PTPRM: variants seen among roughly 807,000 people sequenced by gnomAD.
PTPRM encodes receptor-type tyrosine-protein phosphatase mu.
Under a neutral mutation model 186.7 loss-of-function variants are expected in PTPRM, and 47 were observed. The ratio of observed to expected loss-of-function variants is 0.25; its 90% confidence interval spans 0.20 to 0.32. The LOEUF is 0.32. Among genes scored for constraint, PTPRM ranks in the 10% least tolerant of loss-of-function variants. PTPRM has a pLI of 1.00. For synonymous variants in PTPRM, 668 were observed against 674.9 expected, an observed-to-expected ratio of 0.99 and a Z score of 0.16; for missense variants, 1,494 against 1,865.0, an observed-to-expected ratio of 0.80 and a Z score of 3.66.
intron 19 of PTPRM, among the ~76,000 whole-genome samples, chr18:8,278,527 G>A (rs938866411): frequency 1.3e-5 from 2 of 152,138 alleles, no homozygotes; most frequent in African/African-American, 4.8e-5. Flanking sequence ...TGCTGCAGTC[G>A]TCAGTGAAAG....
intron 7 of PTPRM, among the ~76,000 whole-genome samples, chr18:7,984,595 A>ATATATATG (rs1215617054): frequency 8.3e-6 from 1 of 120,934 alleles, no homozygotes; most frequent in Non-Finnish European, 1.7e-5. Flanking sequence ...ATATATATAT[A>ATATATATG]TATATATACA....
chr18:8,271,176 C>A (rs2094767151), intron 19 of PTPRM, among the ~76,000 whole-genome samples: 1 of 151,990 alleles, frequency 6.6e-6, no homozygotes, highest in African/African-American at 2.4e-5. Flanking sequence ...TCCCTTTAAT[C>A]CCTGGTTTAT....
chr18:7,846,319 CTAAA>C (rs1157502084), intron 2 of PTPRM, among the ~76,000 whole-genome samples: 2 of 152,134 alleles, frequency 1.3e-5, no homozygotes, highest in Non-Finnish European at 2.9e-5. Context: ...GTTTTTGTTT[CTAAA>C]TAAAGGAAAA....
chr18:8,044,703 G>A (rs1211848789), intron 7 of PTPRM, among the ~76,000 whole-genome samples: 2 of 143,630 alleles, frequency 1.4e-5, no homozygotes, highest in Admixed American at 1.4e-4. Context: ...GTTGCAGTGA[G>A]CCAAGATTAT....
At chr18:7,937,490 C>T (rs1467897337) in intron 5 of PTPRM, among the ~76,000 whole-genome samples, 1 of 152,232 alleles carries the variant, frequency 6.6e-6, no homozygotes, top group Non-Finnish European at 1.5e-5. Context: ...ACACCCGTCA[C>T]CTCTCCCAAC....
intron 14 of PTPRM, among the ~76,000 whole-genome samples, chr18:8,160,569 A>G (rs2093211368): frequency 6.6e-6 from 1 of 152,232 alleles, no homozygotes; most frequent in Admixed American, 6.5e-5. Context: ...TTCTGGGATT[A>G]CAGGCACTGA....
intron 1 of PTPRM, among the ~76,000 whole-genome samples, chr18:7,644,286 G>A (rs990572245): frequency 2.2e-4 from 33 of 152,180 alleles, no homozygotes; most frequent in Admixed American, 7.2e-4. Context: ...AAAGATGCTC[G>A]TATTTATGTT....
intron 14 of PTPRM, among the ~76,000 whole-genome samples, chr18:8,240,788 GAGAGAGAGAGAGAGA>G (rs2094421970): frequency 1.2e-4 from 9 of 75,248 alleles, no homozygotes; most frequent in South Asian, 5.4e-4. Flanking sequence ...GAGAGAGAGA[GAGAGAGAGAGAGAGA>G]GAGAGAGAGA....
intron 14 of PTPRM, among the ~76,000 whole-genome samples, chr18:8,238,998 T>A (rs1601408368): frequency 6.6e-6 from 1 of 150,686 alleles, no homozygotes; most frequent in East Asian, 1.9e-4. Flanking sequence ...TTTAATTTAA[T>A]TTTATTATTA....
At chr18:8,351,868 A>T (rs770645495) in intron 23 of PTPRM, among the ~76,000 whole-genome samples, 1 of 152,196 alleles carries the variant, frequency 6.6e-6, no homozygotes, top group African/African-American at 2.4e-5. Flanking sequence ...GGCCTTCTAC[A>T]GACTCCTCAA....
intron 14 of PTPRM, among the ~76,000 whole-genome samples, chr18:8,235,132 G>A (rs1032311523): frequency 6.6e-6 from 1 of 152,084 alleles, no homozygotes; most frequent in African/African-American, 2.4e-5. Context: ...TATGTTCTGG[G>A]AGACATGGTA....
chr18:8,352,337 A>C (rs2148329699), intron 23 of PTPRM, among the ~76,000 whole-genome samples: 2 of 152,280 alleles, frequency 1.3e-5, no homozygotes, highest in African/African-American at 4.8e-5. Context: ...AGGTTTGTTA[A>C]ATGGGTATAT....
At chr18:7,897,594 G>A (rs563554009) in intron 3 of PTPRM, among the ~76,000 whole-genome samples, 4 of 152,272 alleles carry the variant, frequency 2.6e-5, no homozygotes, top group South Asian at 2.1e-4. Context: ...AACAATTTGC[G>A]TGATTGTTTT....
At chr18:7,771,370 G>A (rs2042262003) in intron 1 of PTPRM, among the ~76,000 whole-genome samples, 2 of 152,138 alleles carry the variant, frequency 1.3e-5, no homozygotes, top group South Asian at 2.1e-4. Flanking sequence ...CAAAATTAGG[G>A]TTTGCAACCG....
rs1205825824 is a variant in PTPRM, at chr18:8,028,795, G to C, written c.1133-40891G>C. 1.3e-5 allele frequency among the ~76,000 whole-genome samples: 2 copies of C among 152,312 alleles called. 1 individual carries two copies. ...TGAATAACAATAGCATTTACCAAGA[G>C]AGCACGACGAGGAAGATGAAGTGCA... On this transcript the variant is annotated intron_variant, in intron 7 of 32. Transcript: ENST00000580170.
intron 6 of PTPRM, among the ~76,000 whole-genome samples, chr18:7,951,355 C>G (rs148892205): frequency 5.9e-5 from 9 of 152,050 alleles, no homozygotes; most frequent in African/African-American, 2.2e-4. Context: ...CCTTTTCTTT[C>G]AGTTGCTATA....
At chr18:8,080,289 T>A (rs933117370) in intron 9 of PTPRM, among the ~76,000 whole-genome samples, 3 of 152,204 alleles carry the variant, frequency 2.0e-5, no homozygotes, top group Admixed American at 6.5e-5. Context: ...GTATTTTCAT[T>A]GTATCCTACT....
At chr18:8,370,529 T>G (rs73939457) in intron 23 of PTPRM, among the ~76,000 whole-genome samples, 3,782 of 152,304 alleles carry the variant, frequency 0.025, 64 homozygotes, top group African/African-American at 0.05. Context: ...AAACTAGAAA[T>G]AATTCAAAAG....
intron 15 of PTPRM, among the ~76,000 whole-genome samples, chr18:8,245,300 G>A (rs1373743387): frequency 6.6e-6 from 1 of 152,098 alleles, no homozygotes; most frequent in Non-Finnish European, 1.5e-5. Flanking sequence ...GGCTGCAGTT[G>A]TCCCACTTCA....
Sources: gnomAD v4.1 joint callset for allele counts (sites outside exome capture counted in the v4.1 genomes callset) on GRCh38, gnomAD v4.1.1 for gene constraint, MANE v1.5 for transcripts, NCBI Gene and HGNC (gene_info 2026-07-23, HGNC 2026-07-21) for gene names.